Variants in EPHA6 observed in about 807,000 individuals in gnomAD.
The protein encoded by EPHA6 is ephrin type-A receptor 6.
A neutral mutation model predicts 112.0 loss-of-function variants in EPHA6; 50 were observed. The observed-to-expected ratio is 0.45, with a 90% CI of 0.36 to 0.56. The LOEUF is 0.56. EPHA6 is among the 20% of genes least tolerant of loss of function. EPHA6 has a pLI of 0.00. For synonymous variants in EPHA6, 529 were observed against 490.7 expected (o/e 1.08, Z -1.03); for missense variants, 1,280 against 1,417.4 (o/e 0.90, Z 1.56).
At chr3:97,378,127 C>A (rs536659872) in intron 5 of EPHA6, among the ~76,000 whole-genome samples, 14 of 152,202 alleles carry the variant, frequency 9.2e-5, no homozygotes, top group African/African-American at 3.4e-4. Flanking sequence ...GCCCAGGGTC[C>A]CCATTCTGTG....
chr3:97,431,307 T>C (rs781404940), intron 6 of EPHA6, among the ~76,000 whole-genome samples: 90 of 152,268 alleles, frequency 5.9e-4, no homozygotes, highest in Middle Eastern at 3.4e-3. Context: ...TTGAAATTAA[T>C]GTAGACCTTT....
intron 2 of EPHA6, among the ~76,000 whole-genome samples, chr3:96,932,786 T>C (rs911477136): frequency 2.0e-5 from 3 of 152,246 alleles, no homozygotes; most frequent in Admixed American, 1.3e-4. Flanking sequence ...ATAGTGTGTT[T>C]TTGTTTTTTG....
At chr3:96,895,504 A>C (rs2038219113) in intron 2 of EPHA6, among the ~76,000 whole-genome samples, 1 of 152,190 alleles carries the variant, frequency 6.6e-6, no homozygotes, top group Non-Finnish European at 1.5e-5. Context: ...TACAGAGTTT[A>C]TAAAGTCTAT....
At chr3:97,370,805 G>A (rs1347540491) in intron 5 of EPHA6, among the ~76,000 whole-genome samples, 3 of 152,016 alleles carry the variant, frequency 2.0e-5, no homozygotes, top group Non-Finnish European at 4.4e-5. Context: ...TTATAGGGCT[G>A]CAATTATTAT....
chr3:97,417,672 T>C (rs1446695892), intron 6 of EPHA6, among the ~76,000 whole-genome samples: 3 of 152,174 alleles, frequency 2.0e-5, no homozygotes, highest in Non-Finnish European at 4.4e-5. Flanking sequence ...TAGTGAGTTT[T>C]CTCTGAGAGC....
intron 13 of EPHA6, among the ~76,000 whole-genome samples, chr3:97,613,310 G>A (rs1369721891): frequency 6.6e-6 from 1 of 152,108 alleles, no homozygotes; most frequent in Admixed American, 6.6e-5. Context: ...CATAATCACA[G>A]CTTATGTGAG....
chr3:96,913,189 CACACACACACACACACACACACACCA>C (rs1454577865), intron 2 of EPHA6, among the ~76,000 whole-genome samples: 2 of 137,936 alleles, frequency 1.4e-5, no homozygotes, highest in Admixed American at 8.0e-5. Context: ...CACACACACA[CACACACACACACACACACACACACCA>C]CACACACGGG....
At chr3:97,314,275 T>C (rs1429650922) in intron 5 of EPHA6, among the ~76,000 whole-genome samples, 1 of 151,662 alleles carries the variant, frequency 6.6e-6, no homozygotes, top group Admixed American at 6.6e-5. Context: ...TTGATTACAG[T>C]AGCTTTATAA....
intron 3 of EPHA6, among the ~76,000 whole-genome samples, chr3:97,213,918 T>C (rs146341639): frequency 6.6e-6 from 1 of 152,176 alleles, no homozygotes; most frequent in African/African-American, 2.4e-5. Context: ...CATTAAAGCA[T>C]TTTTCTGATG....
At chr3:97,676,060 G>A (rs1262479716) in intron 14 of EPHA6, among the ~76,000 whole-genome samples, 2 of 152,142 alleles carry the variant, frequency 1.3e-5, no homozygotes, top group Admixed American at 6.6e-5. Flanking sequence ...GATATGTTAA[G>A]TTTGATGTGC....
At chr3:97,057,143 G>A (rs183911911) in intron 3 of EPHA6, among the ~76,000 whole-genome samples, 11 of 152,320 alleles carry the variant, frequency 7.2e-5, no homozygotes, top group African/African-American at 2.4e-4. Flanking sequence ...AGTGACATGT[G>A]TGTGATTTTA....
rs1208302676 is a variant in EPHA6 at position 96,843,959 on chromosome 3, A to T, written c.386-22866A>T. Among the ~76,000 whole-genome samples, 4 of 152,066 alleles carry T rather than the reference A, an allele frequency of 2.6e-5. No homozygotes were observed. In the East Asian group the frequency reaches 7.7e-4, roughly 29 times the overall value. ...TATTTACATTTATGTAAAATGTACA[A>T]AGCATATTGGTACCATGCAGTTATT... On this transcript the variant is annotated intron_variant, in intron 1 of 17. Transcript: ENST00000389672.
intron 14 of EPHA6, among the ~76,000 whole-genome samples, chr3:97,656,756 T>C (rs1484031759): frequency 1.3e-5 from 2 of 151,876 alleles, no homozygotes; most frequent in Non-Finnish European, 2.9e-5. Context: ...AACTCTCCCT[T>C]GGGCCTCTCT....
At chr3:97,567,420 T>A (rs998005119) in intron 11 of EPHA6, among the ~76,000 whole-genome samples, 1 of 152,130 alleles carries the variant, frequency 6.6e-6, no homozygotes, top group African/African-American at 2.4e-5. Context: ...AATGGGCTAA[T>A]AATAGCTCTT....
At chr3:97,325,853 A>G (rs1182125173) in intron 5 of EPHA6, among the ~76,000 whole-genome samples, 1 of 152,058 alleles carries the variant, frequency 6.6e-6, no homozygotes, top group East Asian at 1.9e-4. Context: ...ATATTTCATT[A>G]TTTTATTATG....
chr3:97,369,125 T>A (rs2084906016), intron 5 of EPHA6, among the ~76,000 whole-genome samples: 1 of 152,306 alleles, frequency 6.6e-6, no homozygotes, highest in Admixed American at 6.5e-5. Context: ...GTAGTCAGAC[T>A]ACAGTGAATG....
intron 10 of EPHA6, among the ~76,000 whole-genome samples, chr3:97,490,706 T>C (rs2091817983): frequency 2.0e-5 from 3 of 152,046 alleles, no homozygotes; most frequent in Admixed American, 6.5e-5. Flanking sequence ...ATTTCTAGAG[T>C]ATATTAGTTA....
At chr3:97,059,150 G>C (rs1040146991) in intron 3 of EPHA6, among the ~76,000 whole-genome samples, 1 of 152,148 alleles carries the variant, frequency 6.6e-6, no homozygotes, top group Non-Finnish European at 1.5e-5. Context: ...AGCAAAGAGA[G>C]GGACCCCAGA....
chr3:97,139,160 T>C (rs543036355), intron 3 of EPHA6, among the ~76,000 whole-genome samples: 1 of 152,244 alleles, frequency 6.6e-6, no homozygotes, highest in South Asian at 2.1e-4. Flanking sequence ...TGGTGGAACA[T>C]TGGACATGGA....
Sources: allele counts gnomAD v4.1 joint callset (sites outside exome capture counted in the v4.1 genomes callset), GRCh38; gene constraint gnomAD v4.1.1; transcripts MANE v1.5; gene names NCBI Gene and HGNC (gene_info 2026-07-23, HGNC 2026-07-21).